PHYKPL: variants seen among roughly 807,000 people sequenced by gnomAD.
PHYKPL encodes 5-phosphohydroxy-L-lysine phospho-lyase.
In PHYKPL, 42 loss-of-function variants were observed where a neutral mutation model predicts 51.3. The observed-to-expected ratio is 0.82, with a 90% CI of 0.64 to 1.06. The LOEUF (loss-of-function observed/expected upper bound fraction) is 1.06, where lower values mean the gene tolerates loss of function less well. Ranked by LOEUF, PHYKPL falls within the 50% of genes least tolerant of loss-of-function variation. The pLI is 0.00. For synonymous variants in PHYKPL, 264 were observed against 236.0 expected (o/e 1.12, Z -1.09); for missense variants, 655 against 586.6 (o/e 1.12, Z -1.20).
At position 178,230,184 on chromosome 5, in the gene PHYKPL, G is replaced by A. The variant is rs528683844; in HGVS notation, c.179-85C>T. The A allele has an allele frequency of 9.1e-6, 14 of 1,535,218 alleles. No homozygotes were observed. The South Asian group carries it at 1.0e-4, about 11-fold the overall frequency. ...CCCCCAGCCCCAAGCTATAAACCCA[G>A]CCAGAAGAGATGTAGTTCTAGAGGG... On this transcript the variant is annotated intron_variant, in intron 2 of 12. Coordinates refer to ENST00000308158, the MANE Select transcript of PHYKPL (RefSeq NM_153373.4).
rs754892833 is a variant in PHYKPL, at chr5:178,224,457, C to T, written c.609G>A (p.Lys203=). The T allele has an allele frequency of 1.3e-6, 2 of 1,583,410 alleles. No individual in the cohort carries two copies. The highest frequency in any genetic ancestry group is 8.6e-7 in the Non-Finnish European group (1 of 1,163,266). Residue 203 remains lysine, a synonymous_variant, in exon 6 of 13, where the codon AAG becomes AAA. Transcript: ENST00000308158. Reference sequence around the variant, plus strand: ...GCGCGGACACGGTTACCTTCCTGCCCTTCTCCTGTGCACTGCTGACCACAC... The same window carrying T: ...GCGCGGACACGGTTACCTTCCTGCCTTTCTCCTGTGCACTGCTGACCACAC... ...VKRVVSSAQE[K]GRKIAAFFAE... is the part of the protein sequence containing the mutation.
At chr5:178,217,267 A>G (rs1211580244) in intron 8 of PHYKPL, among the ~76,000 whole-genome samples, 1 of 148,686 alleles carries the variant, frequency 6.7e-6, no homozygotes, top group Non-Finnish European at 1.5e-5. Flanking sequence ...GTCACCCAGG[A>G]TGGAGTGCAG....
chr5:178,231,722 A>T, intron 1 of PHYKPL, 199 bp from the exon 2 acceptor site: 7 of 1,537,148 alleles, frequency 4.6e-6, no homozygotes, highest in Non-Finnish European at 6.2e-6. Context: ...TGGGGTAACA[A>T]GTCGCTGAAA....
downstream of PHYKPL, among the ~76,000 whole-genome samples, chr5:178,207,902 G>A (rs1757158120): frequency 6.6e-6 from 1 of 151,952 alleles, no homozygotes; most frequent in Non-Finnish European, 1.5e-5. Context: ...TCACCATGTT[G>A]CCTGGGCTCA....
At position 178,230,079 on chromosome 5, in the gene PHYKPL, C is replaced by T. The variant is rs145465078; in HGVS notation, c.199G>A (p.Val67Met). 97 of 1,614,060 alleles carry T rather than the reference C, an allele frequency of 6.0e-5. No individual in the cohort carries two copies. The Admixed American group carries it at 1.2e-3, about 21-fold the overall frequency. The change falls in exon 3 of 13, where the codon GTG (valine) becomes ATG (methionine). Residue 67 changes from valine to methionine, a missense_variant. Coordinates refer to ENST00000308158, the MANE Select transcript of PHYKPL (RefSeq NM_153373.4). ...TTCTGCTCATGTGCTGCTTGGACCA[C>T]GAGAGGGTGGCAGTGCCCAACTGGA... ...VAHVGHCHPL[V>M]VQAAHEQNQV...
Position 178,215,370 on chromosome 5 carries a change from C to T in PHYKPL, c.988G>A (p.Glu330Lys), listed in dbSNP as rs1464779530. The change falls in exon 9 of 13, where the codon GAG becomes AAG. Residue 330 changes from glutamate to lysine, a missense_variant. Physicochemically the swap from Glu to Lys is moderately conservative, Grantham distance 56. Coordinates refer to ENST00000308158, the MANE Select transcript of PHYKPL (RefSeq NM_153373.4). The part of the protein sequence containing the change: ...GLAVLNVLEK[E>K]QLQDHATSVG... The stretch of plus-strand genomic sequence containing the variant: ...CTGGTGGCATGATCCTGGAGCTGCT[C>T]CTTCTCCAAGACATTCAGGACGGCC... The T allele has an allele frequency of 6.2e-7, 1 of 1,614,018 alleles. No homozygotes were observed. Among genetic ancestry groups the T allele is most frequent in the Non-Finnish European group, 8.5e-7 (1 of 1,179,972 alleles).
intron 8 of PHYKPL, among the ~76,000 whole-genome samples, chr5:178,218,748 A>G (rs1760480227): frequency 1.3e-5 from 2 of 152,246 alleles, no homozygotes; most frequent in South Asian, 4.1e-4. Flanking sequence ...CAGCAGTTAA[A>G]TATCTTCCCA....
At chr5:178,231,631 G>GA (rs748341457) in intron 1 of PHYKPL, 108 bp from the exon 2 acceptor site, 3 of 1,580,564 alleles carry the variant, frequency 1.9e-6, no homozygotes, top group African/African-American at 1.3e-5. Context: ...TGGCGGGGGG[G>GA]AAATGAGAGC....
chr5:178,210,580 G>C (rs779577708), intron 12 of PHYKPL: 1 of 1,614,186 alleles, frequency 6.2e-7, no homozygotes, highest in Non-Finnish European at 8.5e-7. Context: ...TACGGCAAGA[G>C]CCAGCGACGT....
chr5:178,227,507 G>A (rs1762526228), intron 3 of PHYKPL, among the ~76,000 whole-genome samples: 1 of 152,212 alleles, frequency 6.6e-6, no homozygotes, highest in Non-Finnish European at 1.5e-5. Flanking sequence ...CCAGGCAGAT[G>A]GAGCAGCATG....
intron 1 of PHYKPL, chr5:178,232,249 G>A (rs1763621826): frequency 8.1e-7 from 1 of 1,235,894 alleles, no homozygotes; most frequent in Non-Finnish European, 1.0e-6. Context: ...CCTGAACTGG[G>A]CGGCCTGGAG....
intron 12 of PHYKPL, chr5:178,210,303 T>C (rs1422387875): frequency 6.2e-7 from 1 of 1,613,392 alleles, no homozygotes; most frequent in Non-Finnish European, 8.5e-7. Flanking sequence ...CCCCATCCGC[T>C]CACCCCTCGT....
At chr5:178,215,131 G>C (rs1403946804) in intron 9 of PHYKPL, 145 bp downstream of exon 9, 1 of 1,356,676 alleles carries the variant, frequency 7.4e-7, no homozygotes, top group African/African-American at 1.5e-5. Context: ...CAGGAGAGCC[G>C]TTTTGGGCAA....
In PHYKPL at chr5:178,224,556, G is replaced by A. The variant is rs1200699545; in HGVS notation, c.510C>T (p.Leu170=). 6.2e-7 allele frequency: 1 copy of A among 1,614,144 alleles called. No homozygotes were observed. The highest frequency in any genetic ancestry group is 2.2e-5 in the East Asian group (1 of 44,896). ...GQKEWVHVAP[L]PDTYRGPYRE... is the part of the protein sequence containing the mutation. Reference sequence around the variant, plus strand: ...GGTAGGGGCCCCGGTAGGTGTCTGGGAGAGGTGCCTGTGGGGAGTGACAGC... The same window carrying A: ...GGTAGGGGCCCCGGTAGGTGTCTGGAAGAGGTGCCTGTGGGGAGTGACAGC... Residue 170 remains leucine (L), a synonymous_variant, in exon 6 of 13, where the codon CTC becomes CTT. Coordinates refer to ENST00000308158, the MANE Select transcript of PHYKPL (RefSeq NM_153373.4).
At chr5:178,215,608 C>A (rs1431868892) in intron 8 of PHYKPL, 178 bp from the exon 9 acceptor site, 2 of 684,874 alleles carry the variant, frequency 2.9e-6, no homozygotes, top group African/African-American at 3.7e-5. Flanking sequence ...CATGGGCTGT[C>A]CTGGCTTTCC....
intron 12 of PHYKPL, chr5:178,210,806 G>T: frequency 3.2e-6 from 2 of 615,654 alleles, no homozygotes; most frequent in Non-Finnish European, 5.8e-6. Flanking sequence ...AGGTGTTTAG[G>T]CAGCGTGTGG....
downstream of PHYKPL, among the ~76,000 whole-genome samples, chr5:178,208,331 A>G (rs1053482907): frequency 6.6e-6 from 1 of 152,184 alleles, no homozygotes; most frequent in Non-Finnish European, 1.5e-5. Context: ...TTTCTATAAA[A>G]TGACAGTCTT....
intron 3 of PHYKPL, chr5:178,226,827 CAA>C (rs1248954174): frequency 3.3e-5 from 5 of 152,046 alleles, no homozygotes; most frequent in African/African-American, 9.7e-5. Context: ...AATGTTGTAA[CAA>C]AAGAGTGTAA....
intron 8 of PHYKPL, among the ~76,000 whole-genome samples, chr5:178,218,838 A>G (rs1161429933): frequency 1.3e-5 from 2 of 152,238 alleles, no homozygotes; most frequent in African/African-American, 4.8e-5. Context: ...TGTAAAAGAA[A>G]AAGAAGAAAT....
Sources: gnomAD v4.1 joint callset for allele counts (sites outside exome capture counted in the v4.1 genomes callset) on GRCh38, gnomAD v4.1.1 for gene constraint, MANE v1.5 for transcripts, NCBI Gene and HGNC (gene_info 2026-07-23, HGNC 2026-07-21) for gene names.